Variants in MLN observed in about 807,000 individuals in gnomAD.
The protein encoded by MLN is motilin, also known as promotilin.
A neutral mutation model predicts 13.3 loss-of-function variants in MLN; 14 were observed. That is an observed-to-expected ratio of 1.05 (90% CI 0.69 to 1.64). The LOEUF is 1.64. Among genes scored for constraint, MLN ranks in the 40% most tolerant of loss-of-function variants. The probability of loss-of-function intolerance (pLI) is 0.00; values close to 1 mark genes in which losing one functional copy is unlikely to be tolerated. For missense variants in MLN, 122 were observed against 142.9 expected (o/e 0.85, Z 0.75); for synonymous variants, 59 against 54.7 (o/e 1.08, Z -0.34).
intron 1 of MLN, among the ~76,000 whole-genome samples, chr6:33,802,777 A>G (rs1029736018): frequency 1.3e-5 from 2 of 152,148 alleles, no homozygotes; most frequent in African/African-American, 4.8e-5. Context: ...GCAGCCCCAG[A>G]GGAGCTTGAG....
intron 4 of MLN, among the ~76,000 whole-genome samples, chr6:33,795,188 G>T (rs758313340): frequency 6.6e-6 from 1 of 152,234 alleles, no homozygotes; most frequent in Non-Finnish European, 1.5e-5. Context: ...TCTGCAGAAT[G>T]AATGGGGGAA....
intron 1 of MLN, among the ~76,000 whole-genome samples, chr6:33,801,796 G>A (rs752669462): frequency 3.9e-5 from 6 of 152,204 alleles, no homozygotes; most frequent in Non-Finnish European, 7.4e-5. Flanking sequence ...CAAGCCCCCC[G>A]CCCCGTGCTC....
At chr6:33,802,793 C>G (rs562848661) in intron 1 of MLN, among the ~76,000 whole-genome samples, 19 of 152,114 alleles carry the variant, frequency 1.2e-4, no homozygotes, top group South Asian at 2.1e-4. Flanking sequence ...TTGAGCTGAA[C>G]GGAGAATGGG....
At chr6:33,800,389 A>C (rs1449092340) in intron 2 of MLN, among the ~76,000 whole-genome samples, 1 of 152,212 alleles carries the variant, frequency 6.6e-6, no homozygotes, top group East Asian at 1.9e-4. Context: ...CCTGAGTTCC[A>C]TGAGGCCTGC....
At chr6:33,795,664 G>A (rs1767898564) in intron 3 of MLN, 59 bp from the exon 4 acceptor site, 1 of 1,439,124 alleles carries the variant, frequency 6.9e-7, no homozygotes, top group South Asian at 1.2e-5. Context: ...TTAACCCCTG[G>A]GTGCACTACA....
At chr6:33,795,441 A>T in intron 4 of MLN, 62 bp downstream of exon 4, 1 of 1,320,826 alleles carries the variant, frequency 7.6e-7, no homozygotes, top group Non-Finnish European at 1.1e-6. Flanking sequence ...CTGCCTCTGG[A>T]GTATTAACGC....
Position 33,795,540 on chromosome 6 carries a change from G to C in MLN, c.300C>G (p.Thr100=), listed in dbSNP as rs1259098051. Residue 100 remains threonine (T), a synonymous_variant, in exon 4 of 5, where the codon ACC becomes ACG. Transcript: ENST00000430124. ...GCATCTCACTCAGCAGCCCTTCCAG[G>C]GTGGCCGGGTACTTTTCCAGCTGTC... ...NSRQLEKYPA[T]LEGLLSEMLP... 1 of 1,566,962 alleles carries C rather than the reference G, an allele frequency of 6.4e-7. No individual in the cohort carries two copies. The highest frequency in any genetic ancestry group is 2.3e-5 in the East Asian group (1 of 43,018).
At position 33,802,363 on chromosome 6, in the gene MLN, G is replaced by T. The variant is rs118004481; in HGVS notation, c.-7-1193C>A. Among the ~76,000 whole-genome samples, 154 of 152,284 alleles carry T rather than the reference G, an allele frequency of 1.0e-3. 3 individuals carry two copies. The East Asian group carries it at 0.028, about 27-fold the overall frequency. On this transcript the variant is annotated intron_variant, in intron 1 of 4. Coordinates refer to ENST00000430124, the MANE Select transcript of MLN (RefSeq NM_002418.3). ...GGGTGGAGGTAGTTACAAGGTTTCA[G>T]ATAAAGCGCTCCTCCAGTCCCCAGG...
At chr6:33,795,432 TG>T in intron 4 of MLN, 70 bp downstream of exon 4, 1 of 1,268,118 alleles carries the variant, frequency 7.9e-7, no homozygotes, top group South Asian at 1.3e-5. Flanking sequence ...CCTGAAACCC[TG>T]CCTCTGGAGT....
At chr6:33,798,475 G>A (rs1385597847) in intron 3 of MLN, among the ~76,000 whole-genome samples, 6 of 151,854 alleles carry the variant, frequency 4.0e-5, no homozygotes, top group Admixed American at 2.6e-4. Context: ...CTGGCTCCTG[G>A]GTTTCTGTCT....
intron 1 of MLN, among the ~76,000 whole-genome samples, chr6:33,801,790 C>G (rs1481248374): frequency 2.0e-5 from 3 of 152,212 alleles, no homozygotes; most frequent in African/African-American, 4.8e-5. Flanking sequence ...TGGGAACAAG[C>G]CCCCCGCCCC....
chr6:33,798,583 G>A (rs1767976110), intron 3 of MLN, among the ~76,000 whole-genome samples: 1 of 152,212 alleles, frequency 6.6e-6, no homozygotes, highest in South Asian at 2.1e-4. Context: ...CCAGCTCTAA[G>A]AGGGCTCCGG....
intron 3 of MLN, among the ~76,000 whole-genome samples, chr6:33,795,841 G>C (rs1465838721): frequency 2.6e-5 from 4 of 152,092 alleles, no homozygotes; most frequent in Non-Finnish European, 5.9e-5. Flanking sequence ...TAACGGGGAA[G>C]CTGGGACAGG....
At chr6:33,797,173 C>T (rs1767945803) in intron 3 of MLN, among the ~76,000 whole-genome samples, 1 of 152,246 alleles carries the variant, frequency 6.6e-6, no homozygotes, top group Non-Finnish European at 1.5e-5. Flanking sequence ...TCTGCCCTGA[C>T]TCCTGTGTGA....
chr6:33,795,648 G>C, intron 3 of MLN, 43 bp from the exon 4 acceptor site: 1 of 1,522,202 alleles, frequency 6.6e-7, no homozygotes, highest in Non-Finnish European at 8.9e-7. Context: ...GAGGTGGAGA[G>C]GGCCCTTAAC....
At chr6:33,795,631 C>G in intron 3 of MLN, 26 bp from the exon 4 acceptor site, 1 of 1,546,476 alleles carries the variant, frequency 6.5e-7, no homozygotes, top group Non-Finnish European at 8.8e-7. Flanking sequence ...GCGTTAACAA[C>G]GAGGGAGAGG....
Position 33,794,744 on chromosome 6 carries a change from G to A in MLN, c.*81C>T. The stretch of plus-strand genomic sequence containing the variant: ...GGGTGTTTTCCTTCCAAGCCCAGCT[G>A]GCAGGCTCTGTAAATTCCCAGGGCC... On this transcript the variant is annotated 3_prime_UTR_variant, in exon 5 of 5. Coordinates refer to ENST00000430124, the MANE Select transcript of MLN (RefSeq NM_002418.3). The A allele has an allele frequency of 6.4e-7, 1 of 1,551,378 alleles. No homozygotes were observed. Among genetic ancestry groups the A allele is most frequent in the Non-Finnish European group, 8.8e-7 (1 of 1,136,524 alleles).
chr6:33,803,307 C>CTTTTT lies in MLN; in HGVS notation c.-8+641_-8+645dup, dbSNP rs535908944. 2.2e-5 allele frequency among the ~76,000 whole-genome samples: 3 copies of CTTTTT among 136,148 alleles called. No individual in the cohort carries two copies. Among genetic ancestry groups the CTTTTT allele is most frequent in the Non-Finnish European group, 3.1e-5 (2 of 64,064 alleles). The allele number at this position is 136,148 out of a possible 152,430, so 89.3% of individuals were successfully genotyped here. A position where few individuals can be genotyped will look rare whatever the true frequency, so the allele number is the denominator to read the frequency against. On this transcript the variant is annotated intron_variant, in intron 1 of 4. Coordinates refer to ENST00000430124, the MANE Select transcript of MLN (RefSeq NM_002418.3). This position sits in a 1 kb window ranked among gnomAD's most constrained non-coding sequence, Gnocchi z 4.5. ...CTTTTTCTTTTCCTTTTCTTTTCTT[C>CTTTTT]TTTTTTTTTTTTTTTTCTGAGATGG...
rs190982146 is a variant in MLN, at chr6:33,803,465, G to A, written c.-8+488C>T. On this transcript the variant is annotated intron_variant, in intron 1 of 4. Transcript: ENST00000430124. The surrounding 1 kb of genome is among the most constrained non-coding windows in gnomAD (Gnocchi z 4.5). ...TGGGACTACAGGCATGTGCCACCTC[G>A]CATGGCTAATTTTTGTATTTTTAGT... 2.0e-4 allele frequency among the ~76,000 whole-genome samples: 31 copies of A among 151,964 alleles called. No individual in the cohort carries two copies. Among genetic ancestry groups the A allele is most frequent in the Non-Finnish European group, 2.8e-4 (19 of 67,960 alleles).
Sources: allele counts gnomAD v4.1 joint callset (sites outside exome capture counted in the v4.1 genomes callset), GRCh38; gene constraint gnomAD v4.1.1; non-coding constraint Gnocchi (gnomAD v3.1); transcripts MANE v1.5; gene names NCBI Gene and HGNC (gene_info 2026-07-23, HGNC 2026-07-21).